Variants in FAM78A observed in about 807,000 individuals in gnomAD.
The protein encoded by FAM78A is protein FAM78A.
A neutral mutation model predicts 22.6 loss-of-function variants in FAM78A; 12 were observed. The ratio of observed to expected loss-of-function variants is 0.53; its 90% CI spans 0.34 to 0.86. The LOEUF is 0.86. FAM78A is among the 40% of genes least tolerant of loss of function. The pLI, the probability that FAM78A is intolerant of heterozygous loss-of-function variation, is 0.02. For missense variants in FAM78A, 322 were observed against 396.1 expected (o/e 0.81, Z 1.59); for synonymous variants, 151 against 155.8 (o/e 0.97, Z 0.23).
In FAM78A at chr9:131,275,413, C is replaced by G. The variant is rs1835469575; in HGVS notation, c.323+444G>C. On this transcript the variant is annotated intron_variant, in intron 1 of 1. Coordinates refer to ENST00000372271, the MANE Select transcript of FAM78A (RefSeq NM_033387.4). This position sits in a 1 kb window ranked among gnomAD's most constrained non-coding sequence, Gnocchi z 4.6. ...AGGCCCAATCGCAAAGCCCTGAACA[C>G]ACCGGTCTGGGAGTTGCAGAGTGCC... Among the ~76,000 whole-genome samples the G allele has an allele frequency of 6.6e-6, 1 of 152,246 alleles. No homozygotes were observed. The highest frequency in any genetic ancestry group is 1.5e-5 in the Non-Finnish European group (1 of 68,038).
chr9:131,270,376 C>T (rs1835402399), intron 1 of FAM78A: 1 of 717,446 alleles, frequency 1.4e-6, no homozygotes, highest in African/African-American at 1.7e-5. Flanking sequence ...TTTCAATGCA[C>T]CCAACTCCAA....
rs1430868904 is a variant in FAM78A, at chr9:131,261,694, CACAG to C, written c.324-348_324-345del. Among the ~76,000 whole-genome samples, 2 of 152,176 alleles carry C rather than the reference CACAG, an allele frequency of 1.3e-5. No individual in the cohort carries two copies. The highest frequency in any genetic ancestry group is 4.8e-5 in the African/African-American group (2 of 41,448). ...GCCCCTTACTTTAACATTACAGGCT[CACAG>C]ACAATCTTCTCCATGCAACCCCACC... On this transcript the variant is annotated intron_variant, in intron 1 of 1. Coordinates refer to ENST00000372271, the MANE Select transcript of FAM78A (RefSeq NM_033387.4). This position sits in a 1 kb window ranked among gnomAD's most constrained non-coding sequence, Gnocchi z 7.1.
chr9:131,273,929 G>A (rs550991565), intron 1 of FAM78A, among the ~76,000 whole-genome samples: 1 of 152,258 alleles, frequency 6.6e-6, no homozygotes, highest in Non-Finnish European at 1.5e-5. Context: ...ACATCCTGGA[G>A]AGTGGCAGAA....
chr9:131,261,481 A>G lies in FAM78A; in HGVS notation c.324-131T>C. ...CCAGCAGACCACCCGGTCCCCTTTG[A>G]CGTTCTGGGGGCAGGGGGTCAGACA... On this transcript the variant is annotated intron_variant, in intron 1 of 1. Transcript: ENST00000372271. The surrounding 1 kb of genome is among the most constrained non-coding windows in gnomAD (Gnocchi z 7.1). 2 of 781,910 alleles carry G rather than the reference A, an allele frequency of 2.6e-6. No homozygotes were observed. The highest frequency in any genetic ancestry group is 2.8e-5 in the East Asian group (1 of 36,156). 48.4% of individuals were successfully genotyped at this position (781,910 alleles called of 1,614,324 possible).
chr9:131,271,900 G>T (rs1206386224), intron 1 of FAM78A, among the ~76,000 whole-genome samples: 2 of 151,772 alleles, frequency 1.3e-5, no homozygotes, highest in East Asian at 1.9e-4. Flanking sequence ...TGGATGGGGG[G>T]GGTTGGCTTT....
chr9:131,278,188 T>C (rs893269740), upstream of FAM78A, among the ~76,000 whole-genome samples: 2 of 151,722 alleles, frequency 1.3e-5, no homozygotes, highest in African/African-American at 4.8e-5. Flanking sequence ...CTCGGGGAGC[T>C]GAGCCTCTCC....
intron 1 of FAM78A, among the ~76,000 whole-genome samples, chr9:131,267,197 C>T (rs948301914): frequency 2.6e-5 from 4 of 152,168 alleles, no homozygotes; most frequent in Admixed American, 6.5e-5. Flanking sequence ...GGAACCTAAG[C>T]GATCCTCTCA....
At position 131,260,879 on chromosome 9, in the gene FAM78A, G is replaced by A. The variant is rs764256405; in HGVS notation, c.795C>T (p.Leu265=). 1 of 1,539,172 alleles carries A rather than the reference G, an allele frequency of 6.5e-7. No individual in the cohort carries two copies. The highest frequency in any genetic ancestry group is 1.3e-5 in the South Asian group (1 of 78,908). Residue 265 remains leucine (L), a synonymous_variant, in exon 2 of 2, where the codon CTC becomes CTT. Coordinates refer to ENST00000372271, the MANE Select transcript of FAM78A (RefSeq NM_033387.4). The surrounding 1 kb of genome is among the most constrained non-coding windows in gnomAD (Gnocchi z 5.4). ...GCTGCCCGTACTTGGGCCGCCACAT[G>A]AGGACCTGGGCATCGTTGGCATTGG... ...VKPNANDAQV[L]MWRPKYGQPL... is the part of the protein sequence containing the mutation.
At position 131,260,779 on chromosome 9, in the gene FAM78A, GTAT is replaced by G. The variant is rs1266425994; in HGVS notation, c.*40_*42del. On this transcript the variant is annotated 3_prime_UTR_variant, in exon 2 of 2. Coordinates refer to ENST00000372271, the MANE Select transcript of FAM78A (RefSeq NM_033387.4). The surrounding 1 kb of genome is among the most constrained non-coding windows in gnomAD (Gnocchi z 5.4). ...GTGAGTCTGAGTTTTGTTTTCAGCG[GTAT>G]TATTATTTGTGAGTCTAACCTAGCG... is the stretch of plus-strand genomic sequence containing the variant. 2 of 1,503,458 alleles carry G rather than the reference GTAT, an allele frequency of 1.3e-6. No homozygotes were observed. Among genetic ancestry groups the G allele is most frequent in the African/African-American group, 1.4e-5 (1 of 71,474 alleles). The allele number at this position is 1,503,458 out of a possible 1,614,324, so 93.1% of individuals were successfully genotyped here.
chr9:131,270,539 G>T, intron 1 of FAM78A: 1 of 715,010 alleles, frequency 1.4e-6, no homozygotes, highest in Non-Finnish European at 2.6e-6. Flanking sequence ...TGGTCCTGGG[G>T]GAGCTCTCTT....
chr9:131,276,350 CT>C lies in FAM78A; in HGVS notation c.-172del. ...TCTGCTGCATTTCATGAGCCCTGGG[CT>C]CTCTCTTCTTCTCCTCGCAGTGGAC... On this transcript the variant is annotated 5_prime_UTR_variant, in exon 1 of 2. It removes the in-frame stop codon of an upstream open reading frame in the 5' UTR. Coordinates refer to ENST00000372271, the MANE Select transcript of FAM78A (RefSeq NM_033387.4). The surrounding 1 kb of genome is among the most constrained non-coding windows in gnomAD (Gnocchi z 4.3). The C allele has an allele frequency of 1.8e-6, 1 of 569,000 alleles. No homozygotes were observed. The highest frequency in any genetic ancestry group is 3.3e-5 in the Admixed American group (1 of 30,458). The allele number at this position is 569,000 out of a possible 1,614,324, so 35.2% of individuals were successfully genotyped here.
Position 131,275,709 on chromosome 9 carries a change from G to A in FAM78A, c.323+148C>T. On this transcript the variant is annotated intron_variant, in intron 1 of 1. Coordinates refer to ENST00000372271, the MANE Select transcript of FAM78A (RefSeq NM_033387.4). This position sits in a 1 kb window ranked among gnomAD's most constrained non-coding sequence, Gnocchi z 4.6. ...TTCAGGGAGCCACCGGGCCAATGAG[G>A]CCACCTGCATACCTGCCTAAAGCTT... is the stretch of plus-strand genomic sequence containing the variant. 1 of 839,090 alleles carries A rather than the reference G, an allele frequency of 1.2e-6. No homozygotes were observed. The allele number at this position is 839,090 out of a possible 1,614,324, so 52.0% of individuals were successfully genotyped here.
intron 1 of FAM78A, among the ~76,000 whole-genome samples, chr9:131,273,683 G>A (rs942184644): frequency 6.6e-6 from 1 of 152,180 alleles, no homozygotes; most frequent in Non-Finnish European, 1.5e-5. Flanking sequence ...TGTAGTTTTA[G>A]CCACTCACAT....
chr9:131,266,993 C>T (rs766922958), intron 1 of FAM78A, among the ~76,000 whole-genome samples: 11 of 152,218 alleles, frequency 7.2e-5, no homozygotes, highest in African/African-American at 1.2e-4. Context: ...CCTTAGCACG[C>T]GGTGACAGCA....
rs939384650 is a variant in FAM78A, at chr9:131,272,574, C to T, written c.323+3283G>A. Among the ~76,000 whole-genome samples the T allele has an allele frequency of 6.6e-6, 1 of 152,184 alleles. No individual in the cohort carries two copies. Among genetic ancestry groups the T allele is most frequent in the South Asian group, 2.1e-4 (1 of 4,834 alleles). ...ACCACTGTTCCCTTTCCTTTTCATG[C>T]CACAAGGCTTAAAAACTTGGAAAAT... On this transcript the variant is annotated intron_variant, in intron 1 of 1. Coordinates refer to ENST00000372271, the MANE Select transcript of FAM78A (RefSeq NM_033387.4). The surrounding 1 kb of genome is among the most constrained non-coding windows in gnomAD (Gnocchi z 4.1).
At position 131,275,508 on chromosome 9, in the gene FAM78A, CCT is replaced by C. The variant is rs1835470682; in HGVS notation, c.323+347_323+348del. 1.3e-5 allele frequency among the ~76,000 whole-genome samples: 2 copies of C among 152,254 alleles called. No homozygotes were observed. The highest frequency in any genetic ancestry group is 6.5e-5 in the Admixed American group (1 of 15,294). On this transcript the variant is annotated intron_variant, in intron 1 of 1. Transcript: ENST00000372271. The surrounding 1 kb of genome is among the most constrained non-coding windows in gnomAD (Gnocchi z 4.6). ...CAGCCCTGCAGCCTCTCTGGTGACC[CCT>C]GATGGCACAGACACTCCTCAGGCGG... is the stretch of plus-strand genomic sequence containing the variant.
At chr9:131,270,535 TG>T (rs1473153602) in intron 1 of FAM78A, 2 of 714,918 alleles carry the variant, frequency 2.8e-6, no homozygotes, top group Admixed American at 2.0e-5. Flanking sequence ...GGGCTGGTCC[TG>T]GGGGAGCTCT....
At chr9:131,266,892 C>G (rs1835353074) in intron 1 of FAM78A, among the ~76,000 whole-genome samples, 1 of 152,266 alleles carries the variant, frequency 6.6e-6, no homozygotes, top group East Asian at 1.9e-4. Context: ...CACAGGGCAT[C>G]TCTGTGAGGA....
rs868274848 is a variant in FAM78A at position 131,272,503 on chromosome 9, G to A, written c.323+3354C>T. 2.6e-5 allele frequency among the ~76,000 whole-genome samples: 4 copies of A among 152,250 alleles called. No individual in the cohort carries two copies. Among genetic ancestry groups the A allele is most frequent in the South Asian group, 4.1e-4 (2 of 4,830 alleles). ...GAATTACCTGACCCTGGGCCAGGCA[G>A]AGCAGAGGAACAATTCTGGGCTGGT... On this transcript the variant is annotated intron_variant, in intron 1 of 1. Transcript: ENST00000372271. This position sits in a 1 kb window ranked among gnomAD's most constrained non-coding sequence, Gnocchi z 4.1.
Sources: allele counts gnomAD v4.1 joint callset (sites outside exome capture counted in the v4.1 genomes callset), GRCh38; gene constraint gnomAD v4.1.1; non-coding constraint Gnocchi (gnomAD v3.1); transcripts MANE v1.5; gene names NCBI Gene and HGNC (gene_info 2026-07-23, HGNC 2026-07-21).